KLRG1: variants seen among roughly 807,000 people sequenced by gnomAD.
KLRG1 encodes killer cell lectin-like receptor subfamily G member 1.
In KLRG1, 16 loss-of-function variants were observed where a neutral mutation model predicts 21.8. The observed-to-expected ratio is 0.73, with a 90% confidence interval of 0.50 to 1.11. The LOEUF (loss-of-function observed/expected upper bound fraction) is 1.11, where lower values mean the gene tolerates loss of function less well. Ranked by LOEUF, KLRG1 falls within the 50% of genes most tolerant of loss-of-function variation. The pLI, the probability that KLRG1 is intolerant of heterozygous loss-of-function variation, is 0.00. For missense variants in KLRG1, 173 were observed against 218.3 expected (o/e 0.79, Z 1.31); for synonymous variants, 69 against 75.9 (o/e 0.91, Z 0.47).
chr12:9,068,315 G>C, the KLRG1 span: 3 of 1,338,972 alleles, frequency 2.2e-6, no homozygotes, highest in Non-Finnish European at 3.1e-6. Context: ...CAAGGAAGGA[G>C]TTTGTTGTGG....
At chr12:9,201,024 G>C in the KLRG1 span, 1 of 1,614,102 alleles carries the variant, frequency 6.2e-7, no homozygotes, top group Non-Finnish European at 8.5e-7. Context: ...TCTAGCTTGA[G>C]ACTCTGCCAT....
the KLRG1 span, chr12:9,169,004 G>C: frequency 6.8e-7 from 1 of 1,467,118 alleles, no homozygotes; most frequent in East Asian, 2.3e-5. Flanking sequence ...CAATCTACTT[G>C]TAAGCTTGAT....
chr12:9,126,035 GTTTATAT>G, the KLRG1 span, among the ~76,000 whole-genome samples: 1 of 152,124 alleles, frequency 6.6e-6, no homozygotes, highest in Admixed American at 6.5e-5. Flanking sequence ...GCCTGGCCAT[GTTTATAT>G]TTTATAAGTT....
the KLRG1 span, among the ~76,000 whole-genome samples, chr12:9,053,208 G>A: frequency 9.6e-5 from 7 of 72,584 alleles, no homozygotes; most frequent in African/African-American, 1.7e-4. Flanking sequence ...TGCCTGCGAC[G>A]GGGTGTCCTG....
chr12:9,180,378 C>T, the KLRG1 span, among the ~76,000 whole-genome samples: 6 of 152,180 alleles, frequency 3.9e-5, no homozygotes, highest in African/African-American at 1.4e-4. Flanking sequence ...CTGGAGGCAT[C>T]ACACTACCTG....
chr12:9,009,911 TA>T lies in KLRG1; in HGVS notation c.*375del, dbSNP rs1278033123. On this transcript the variant is annotated 3_prime_UTR_variant, in exon 5 of 5. Transcript: ENST00000356986. ...ATCTGATAAAATCTATGCCAATATATACTATTGCTTGTGTACTAGAGAAGTA... is the reference window on the plus strand; with the variant it reads ...ATCTGATAAAATCTATGCCAATATATCTATTGCTTGTGTACTAGAGAAGTA... The T allele has an allele frequency of 2.0e-6, 3 of 1,521,352 alleles. No homozygotes were observed. In the African/African-American group the frequency reaches 4.1e-5, roughly 21 times the overall value. The allele number at this position is 1,521,352 out of a possible 1,614,324, so 94.2% of individuals were successfully genotyped here. A position where few individuals can be genotyped will look rare whatever the true frequency, so the allele number is the denominator to read the frequency against.
chr12:8,992,216 C>A lies in KLRG1; in HGVS notation c.93C>A (p.Ser31=), dbSNP rs376742691. 6.2e-7 allele frequency: 1 copy of A among 1,611,556 alleles called. No individual in the cohort carries two copies. The highest frequency in any genetic ancestry group is 1.1e-5 in the South Asian group (1 of 90,578). ...ACTCTGTTGTTGCAGCTTCCTCTTC[C>A]AGGCCTTCTTGTTCTTGCCTTGTGG... ...DYGPQQKSSS[S]RPSCSCLVAI... is the part of the protein sequence containing the mutation. Residue 31 remains serine, a synonymous_variant, in exon 2 of 5, where the codon TCC becomes TCA. Coordinates refer to ENST00000356986, the MANE Select transcript of KLRG1 (RefSeq NM_005810.4).
At chr12:9,013,879 A>G (rs1947664678), downstream of KLRG1, among the ~76,000 whole-genome samples, 1 of 152,204 alleles carries the variant, frequency 6.6e-6, no homozygotes, top group African/African-American at 2.4e-5. Context: ...TCAGAATCCT[A>G]TCAGAAAAAC....
the KLRG1 span, chr12:9,090,420 C>T: frequency 2.1e-3 from 3,395 of 1,613,994 alleles, 47 homozygotes; most frequent in African/African-American, 0.034. Flanking sequence ...TGCAGTGAGG[C>T]GCTTGTTCCT....
chr12:9,071,808 T>C, the KLRG1 span, among the ~76,000 whole-genome samples: 63 of 152,232 alleles, frequency 4.1e-4, 1 homozygote, highest in Admixed American at 2.0e-3. Context: ...ATTTGTTACA[T>C]GTATTTTGTC....
the KLRG1 span, among the ~76,000 whole-genome samples, chr12:9,045,580 T>A: frequency 6.6e-6 from 1 of 152,058 alleles, no homozygotes; most frequent in African/African-American, 2.4e-5. Context: ...GGCTGGAAAT[T>A]TAAAATAATG....
chr12:9,012,409 C>A (rs1019864760), downstream of KLRG1, among the ~76,000 whole-genome samples: 1 of 152,026 alleles, frequency 6.6e-6, no homozygotes, highest in Non-Finnish European at 1.5e-5. Context: ...AAGGAAGGAC[C>A]CAGTCCAGGC....
At chr12:8,979,681 A>G (rs1055447088) in intron 1 of KLRG1, among the ~76,000 whole-genome samples, 2 of 151,730 alleles carry the variant, frequency 1.3e-5, no homozygotes, top group Non-Finnish European at 2.9e-5. Context: ...TCCTTGTGGG[A>G]CTTCTATAAT....
At chr12:9,204,875 A>G in the KLRG1 span, among the ~76,000 whole-genome samples, 2 of 152,098 alleles carry the variant, frequency 1.3e-5, no homozygotes, top group Admixed American at 6.5e-5. Context: ...CAGGAGAGTC[A>G]CTTGAGGCCA....
the KLRG1 span, chr12:9,099,258 C>T: frequency 1.1e-6 from 1 of 891,952 alleles, no homozygotes; most frequent in Non-Finnish European, 1.8e-6. Context: ...CACTACCTTG[C>T]TGAATGTCTC....
At chr12:9,160,468 C>T in the KLRG1 span, 321 of 1,613,614 alleles carry the variant, frequency 2.0e-4, no homozygotes, top group African/African-American at 3.7e-3. Context: ...GTATATTTTG[C>T]ATAGCAGAAC....
chr12:9,159,854 G>T, the KLRG1 span: 1 of 1,185,280 alleles, frequency 8.4e-7, no homozygotes, highest in Non-Finnish European at 1.2e-6. Context: ...TCTGTTATAA[G>T]CAACAGAAAA....
intron 2 of KLRG1, among the ~76,000 whole-genome samples, chr12:8,994,766 C>G (rs376168642): frequency 8.9e-4 from 135 of 152,304 alleles, no homozygotes; most frequent in African/African-American, 3.2e-3. Flanking sequence ...TATGAATTCA[C>G]AGTTATCTGG....
At chr12:9,192,134 C>T in the KLRG1 span, 6 of 1,416,846 alleles carry the variant, frequency 4.2e-6, no homozygotes, top group South Asian at 1.2e-5. Context: ...GAACTGTCAC[C>T]GAGGGAAGGG....
Sources: allele counts gnomAD v4.1 joint callset (sites outside exome capture counted in the v4.1 genomes callset), GRCh38; gene constraint gnomAD v4.1.1; transcripts MANE v1.5; gene names NCBI Gene and HGNC (gene_info 2026-07-23, HGNC 2026-07-21).